The following DCAKD variants were observed in gnomAD, a reference collection of about 807,000 sequenced individuals.
DCAKD encodes the protein dephospho-CoA kinase domain containing.
In DCAKD, 15 loss-of-function variants were observed where a neutral mutation model predicts 18.7. The ratio of observed to expected loss-of-function variants is 0.80; its 90% CI spans 0.54 to 1.24. The LOEUF is 1.24. Among genes scored for constraint, DCAKD ranks in the 50% most tolerant of loss-of-function variants. The probability of loss-of-function intolerance (pLI) is 0.00; values close to 1 mark genes in which losing one functional copy is unlikely to be tolerated. For missense variants in DCAKD, 301 were observed against 322.0 expected (o/e 0.93, Z 0.50); for synonymous variants, 130 against 133.0 (o/e 0.98, Z 0.16).
chr17:45,049,713 C>CATT (rs2053647769), intron 1 of DCAKD, among the ~76,000 whole-genome samples: 1 of 111,874 alleles, frequency 8.9e-6, no homozygotes, highest in Non-Finnish European at 1.7e-5. Flanking sequence ...TTTTCTTTTC[C>CATT]TTTTTTTTTT....
upstream of DCAKD, among the ~76,000 whole-genome samples, chr17:45,053,756 G>T (rs1489291815): frequency 2.6e-5 from 4 of 151,882 alleles, no homozygotes; most frequent in African/African-American, 7.3e-5. Flanking sequence ...TAGAGATGGG[G>T]TTTGGCATGT....
Position 45,024,848 on chromosome 17 carries a change from C to A in DCAKD, c.405-124G>T, listed in dbSNP as rs531452168. 99 of 1,253,020 alleles carry A rather than the reference C, an allele frequency of 7.9e-5. No individual in the cohort carries two copies. In the African/African-American group the frequency reaches 1.4e-3, roughly 18 times the overall value. The allele number at this position is 1,253,020 out of a possible 1,614,324, so 77.6% of individuals were successfully genotyped here. A position where few individuals can be genotyped will look rare whatever the true frequency, so the allele number is the denominator to read the frequency against. ...ATGGGGACTGGATCTTCCCTCCAAC[C>A]CTACCCTGCTCTGGGCTACTTAGGG... On this transcript the variant is annotated intron_variant, in intron 4 of 4. Coordinates refer to ENST00000651974, the MANE Select transcript of DCAKD (RefSeq NM_001288655.2).
Position 45,034,810 on chromosome 17 carries a change from A to G in DCAKD, c.76T>C (p.Cys26Arg). Residue 26 changes from cysteine (C) to arginine (R), a missense_variant, in exon 2 of 5, where the codon TGT becomes CGT. Cys to Arg is a radical substitution (Grantham distance 180). Coordinates refer to ENST00000651974, the MANE Select transcript of DCAKD (RefSeq NM_001288655.2). ...ATCACGTCCACGTCAATCACCGCAC[A>G]GCCCAGCTGCTGGAACACCTGGATC... is the stretch of plus-strand genomic sequence containing the variant. ...SVIQVFQQLG[C>R]AVIDVDVMAR... 1 of 1,614,232 alleles carries G rather than the reference A, an allele frequency of 6.2e-7. No individual in the cohort carries two copies.
rs567773235 is a variant in DCAKD at position 45,045,597 on chromosome 17, T to G, written c.-115+5764A>C. 8.6e-5 allele frequency among the ~76,000 whole-genome samples: 13 copies of G among 151,700 alleles called. No homozygotes were observed. In the East Asian group the frequency reaches 2.6e-3, roughly 30 times the overall value. ...AAATACAAAAGTTAGCCGGGCGTGG[T>G]GGCGTGTGCCTGTAGTCCCAGCTAC... On this transcript the variant is annotated intron_variant, in intron 1 of 4. Coordinates refer to ENST00000651974, the MANE Select transcript of DCAKD (RefSeq NM_001288655.2).
At chr17:45,035,050 G>A (rs990158525) in intron 1 of DCAKD, 51 bp from the exon 2 acceptor site, 1 of 647,006 alleles carries the variant, frequency 1.5e-6, no homozygotes, top group Non-Finnish European at 2.7e-6. Flanking sequence ...AAATAATTGG[G>A]AGAGAGGAGG....
intron 1 of DCAKD, among the ~76,000 whole-genome samples, chr17:45,039,311 G>A (rs76453367): frequency 0.027 from 4,168 of 152,274 alleles, 87 homozygotes; most frequent in Non-Finnish European, 0.045. Flanking sequence ...TTTCTGCTCT[G>A]GTCAAGTCAT....
intron 1 of DCAKD, among the ~76,000 whole-genome samples, chr17:45,037,321 C>T (rs1348165472): frequency 1.3e-5 from 2 of 152,082 alleles, no homozygotes; most frequent in Non-Finnish European, 2.9e-5. Context: ...ATAATAATTT[C>T]TCCTCCATCT....
exon 1 of DCAKD, chr17:45,060,991 C>T (rs1164715193): frequency 2.8e-6 from 3 of 1,055,790 alleles, no homozygotes; most frequent in Non-Finnish European, 3.4e-6. Context: ...GGAACCTCCA[C>T]GCCTGAAACC....
At chr17:45,042,847 G>A (rs1436113891) in intron 1 of DCAKD, among the ~76,000 whole-genome samples, 6 of 152,176 alleles carry the variant, frequency 3.9e-5, no homozygotes, top group South Asian at 2.1e-4. Context: ...AGGAGCTGGC[G>A]TCTGCCTCCC....
At chr17:45,052,972 TG>T (rs1217477044), upstream of DCAKD, among the ~76,000 whole-genome samples, 1 of 151,864 alleles carries the variant, frequency 6.6e-6, no homozygotes, top group Non-Finnish European at 1.5e-5. Context: ...GAGACCAGCC[TG>T]GCCAACATGG....
chr17:45,034,367 G>A lies in DCAKD; in HGVS notation c.136C>T (p.His46Tyr). The A allele has an allele frequency of 1.9e-6, 3 of 1,613,914 alleles. No individual in the cohort carries two copies. Among genetic ancestry groups the A allele is most frequent in the South Asian group, 1.1e-5 (1 of 91,086 alleles). Reference sequence around the variant, plus strand: ...CCGAAGACCTCTACGATGCGCCGGTGGGCAGGGTATCCTGGCTGCACGACT... The same window carrying A: ...CCGAAGACCTCTACGATGCGCCGGTAGGCAGGGTATCCTGGCTGCACGACT... ...RHVVQPGYPA[H>Y]RRIVEVFGTE... The change falls in exon 3 of 5, where the codon CAC becomes TAC. Residue 46 changes from histidine to tyrosine, a missense_variant. His to Tyr is a moderately conservative substitution (Grantham distance 83). Coordinates refer to ENST00000651974, the MANE Select transcript of DCAKD (RefSeq NM_001288655.2).
upstream of DCAKD, among the ~76,000 whole-genome samples, chr17:45,055,192 C>G (rs1199627843): frequency 1.3e-5 from 2 of 152,150 alleles, no homozygotes; most frequent in Non-Finnish European, 2.9e-5. Context: ...TAGCTACTTA[C>G]ACAATCTCAT....
At position 45,024,556 on chromosome 17, in the gene DCAKD, G is replaced by A; in HGVS notation, c.573C>T (p.Leu191=). 4 of 1,614,200 alleles carry A rather than the reference G, an allele frequency of 2.5e-6. No homozygotes were observed. Among genetic ancestry groups the A allele is most frequent in the South Asian group, 1.1e-5 (1 of 91,084 alleles). ...GGGAGCGCTCCAGCTCAGTGTGCAAGAGGATGACCTGGCGTTTGGTGACAC... is the reference window on the plus strand; with the variant it reads ...GGGAGCGCTCCAGCTCAGTGTGCAAAAGGATGACCTGGCGTTTGGTGACAC... The part of the protein sequence containing the change: ...EWSVTKRQVI[L]LHTELERSLE... Residue 191 remains leucine (L), a synonymous_variant, in exon 5 of 5, where the codon CTC becomes CTT. Coordinates refer to ENST00000651974, the MANE Select transcript of DCAKD (RefSeq NM_001288655.2).
upstream of DCAKD, chr17:45,051,637 C>A (rs1357234262): frequency 1.3e-5 from 2 of 149,684 alleles, no homozygotes; most frequent in East Asian, 4.0e-4. Flanking sequence ...CGAGGCGGGA[C>A]CTCGGGAGCG....
intron 1 of DCAKD, among the ~76,000 whole-genome samples, chr17:45,044,446 C>T (rs1226479646): frequency 6.6e-6 from 1 of 152,192 alleles, no homozygotes; most frequent in Non-Finnish European, 1.5e-5. Flanking sequence ...AATCCCAACA[C>T]TTTCGGAGGC....
At chr17:45,029,359 G>C (rs2053126207) in intron 4 of DCAKD, among the ~76,000 whole-genome samples, 1 of 152,222 alleles carries the variant, frequency 6.6e-6, no homozygotes, top group South Asian at 2.1e-4. Flanking sequence ...GCCCTTGAGG[G>C]CCAACCTATG....
chr17:45,058,078 G>A (rs1454303993), intron 1 of DCAKD, among the ~76,000 whole-genome samples: 1 of 146,498 alleles, frequency 6.8e-6, no homozygotes, highest in Non-Finnish European at 1.5e-5. Flanking sequence ...ACTTTGGGAG[G>A]CCAAGGCAGG....
chr17:45,053,190 A>C (rs1483491384), upstream of DCAKD, among the ~76,000 whole-genome samples: 36 of 147,924 alleles, frequency 2.4e-4, no homozygotes, highest in African/African-American at 5.5e-4. Context: ...AAAAAAAAAA[A>C]AAAAAACTAG....
At chr17:45,031,794 T>A in intron 3 of DCAKD, 1 of 985,466 alleles carries the variant, frequency 1.0e-6, no homozygotes, top group Non-Finnish European at 1.2e-6. Flanking sequence ...ATCCTGACTC[T>A]ATTAAGACAT....
Sources: allele counts gnomAD v4.1 joint callset (sites outside exome capture counted in the v4.1 genomes callset), GRCh38; gene constraint gnomAD v4.1.1; transcripts MANE v1.5; gene names NCBI Gene and HGNC (gene_info 2026-07-23, HGNC 2026-07-21).